PTPRU: variants seen among roughly 807,000 people sequenced by gnomAD.
The protein encoded by PTPRU is receptor-type tyrosine-protein phosphatase U.
Under a neutral mutation model 166.3 loss-of-function variants are expected in PTPRU, and 69 were observed. The ratio of observed to expected loss-of-function variants is 0.41; its 90% confidence interval spans 0.34 to 0.51. The LOEUF is 0.51. Among genes scored for constraint, PTPRU ranks in the 20% least tolerant of loss-of-function variants. The pLI is 0.09. For synonymous variants in PTPRU, 793 were observed against 814.0 expected (o/e 0.97, Z 0.44); for missense variants, 1,657 against 2,013.7 (o/e 0.82, Z 3.39).
At chr1:29,325,529 G>T (rs1343203111) in intron 29 of PTPRU, 70 bp from the exon 30 acceptor site, 5 of 1,538,878 alleles carry the variant, frequency 3.2e-6, no homozygotes, top group Admixed American at 1.7e-5. Flanking sequence ...CTCACTCCCC[G>T]TTCCCCTCCC....
chr1:29,325,092 C>T (rs1033930443), intron 28 of PTPRU, 99 bp from the exon 29 acceptor site: 9 of 1,495,368 alleles, frequency 6.0e-6, no homozygotes, highest in Non-Finnish European at 7.3e-6. Context: ...CTCCGTCCCT[C>T]TCCTCTAGGC....
rs1029986306 is a variant in PTPRU at position 29,237,881 on chromosome 1, CG to C, written c.73+1169del. Reference sequence around the variant, plus strand: ...CGCGGCTGCGCCCCGGGCGGCCGGGCGGGGGCTGTCCCCGGGCTGGGCTGCG... The same window carrying C: ...CGCGGCTGCGCCCCGGGCGGCCGGGCGGGGCTGTCCCCGGGCTGGGCTGCG... On this transcript the variant is annotated intron_variant, in intron 1 of 29. Coordinates refer to ENST00000373779, the MANE Select transcript of PTPRU (RefSeq NM_133178.4). This position sits in a 1 kb window ranked among gnomAD's most constrained non-coding sequence, Gnocchi z 6.4. 2.0e-5 allele frequency among the ~76,000 whole-genome samples: 3 copies of C among 146,490 alleles called. No homozygotes were observed. The highest frequency in any genetic ancestry group is 2.0e-4 in the East Asian group (1 of 5,038).
At chr1:29,319,041 G>A (rs1259395542) in intron 25 of PTPRU, among the ~76,000 whole-genome samples, 1 of 151,328 alleles carries the variant, frequency 6.6e-6, no homozygotes, top group African/African-American at 2.4e-5. Flanking sequence ...GGGGGCTTCC[G>A]GGTGTCAGCT....
chr1:29,249,493 G>A (rs1334660283), intron 1 of PTPRU, among the ~76,000 whole-genome samples: 2 of 152,256 alleles, frequency 1.3e-5, no homozygotes, highest in Non-Finnish European at 2.9e-5. Flanking sequence ...GGCCTCTGTA[G>A]AGATGGGGTG....
At chr1:29,266,699 G>A (rs745762681) in intron 7 of PTPRU, among the ~76,000 whole-genome samples, 2 of 152,194 alleles carry the variant, frequency 1.3e-5, no homozygotes, top group African/African-American at 2.4e-5. Context: ...CTTATTGAGT[G>A]TCTATTACGT....
At chr1:29,282,478 C>CT (rs1212100802) in intron 11 of PTPRU, among the ~76,000 whole-genome samples, 198 bp from the exon 12 acceptor site, 2 of 152,180 alleles carry the variant, frequency 1.3e-5, no homozygotes, top group Non-Finnish European at 2.9e-5. Flanking sequence ...TCTGAACAGT[C>CT]TTGCAATTAC....
Position 29,255,339 on chromosome 1 carries a change from C to T in PTPRU, c.138C>T (p.Tyr46=), listed in dbSNP as rs1300881491. The T allele has an allele frequency of 7.4e-6, 12 of 1,614,136 alleles. No individual in the cohort carries two copies. The highest frequency in any genetic ancestry group is 3.3e-5 in the South Asian group (3 of 91,078). Reference sequence around the variant, plus strand: ...CCTGCGAGTACAGCCAGGCCCAGTACGATGACTTCCAGTGGGAGCAAGTGC... The same window carrying T: ...CCTGCGAGTACAGCCAGGCCCAGTATGATGACTTCCAGTGGGAGCAAGTGC... ...AVPCEYSQAQ[Y]DDFQWEQVRI... is the part of the protein sequence containing the mutation. Residue 46 remains tyrosine, a synonymous_variant, in exon 2 of 30, where the codon TAC becomes TAT. Transcript: ENST00000373779.
chr1:29,304,376 C>T (rs1687285115), intron 16 of PTPRU, among the ~76,000 whole-genome samples: 1 of 152,272 alleles, frequency 6.6e-6, no homozygotes, highest in South Asian at 2.1e-4. Flanking sequence ...TGACATTGAT[C>T]CTGACTGTCA....
intron 7 of PTPRU, among the ~76,000 whole-genome samples, chr1:29,264,605 A>G (rs1205250702): frequency 1.3e-5 from 2 of 151,814 alleles, no homozygotes; most frequent in Non-Finnish European, 2.9e-5. Context: ...TCCCAGGTTC[A>G]AGCGATTCTC....
At chr1:29,309,133 C>A (rs1207412965) in intron 18 of PTPRU, among the ~76,000 whole-genome samples, 2 of 152,182 alleles carry the variant, frequency 1.3e-5, no homozygotes, top group African/African-American at 4.8e-5. Context: ...CCAGCAGAAT[C>A]TCTGAGTGTT....
intron 14 of PTPRU, chr1:29,289,779 T>G: frequency 6.4e-7 from 1 of 1,572,392 alleles, no homozygotes; most frequent in East Asian, 2.3e-5. Context: ...GTCCCCGCCT[T>G]CTCTGGTTGG....
chr1:29,256,666 G>T (rs1405092637), intron 2 of PTPRU, among the ~76,000 whole-genome samples: 2 of 152,276 alleles, frequency 1.3e-5, no homozygotes, highest in Non-Finnish European at 2.9e-5. Context: ...GGTGTTAGTG[G>T]GTATCACAGT....
chr1:29,252,049 G>A (rs1159047539), intron 1 of PTPRU, among the ~76,000 whole-genome samples: 1 of 152,274 alleles, frequency 6.6e-6, no homozygotes, highest in Non-Finnish European at 1.5e-5. Context: ...CCTCCTACAG[G>A]CAATAGGGTA....
rs1685549027 is a variant in PTPRU at position 29,271,307 on chromosome 1, G to A, written c.1145-4141G>A. ...TGGGTGCCAGATGGTTTTTAGAAACGTGGAGAAACTCATGGATTCACACCC... is the reference window on the plus strand; with the variant it reads ...TGGGTGCCAGATGGTTTTTAGAAACATGGAGAAACTCATGGATTCACACCC... On this transcript the variant is annotated intron_variant, in intron 7 of 29. Coordinates refer to ENST00000373779, the MANE Select transcript of PTPRU (RefSeq NM_133178.4). This position sits in a 1 kb window ranked among gnomAD's most constrained non-coding sequence, Gnocchi z 4.4. Among the ~76,000 whole-genome samples the A allele has an allele frequency of 6.6e-6, 1 of 152,174 alleles. No homozygotes were observed. The highest frequency in any genetic ancestry group is 6.5e-5 in the Admixed American group (1 of 15,274).
chr1:29,308,386 T>G (rs1687495031), intron 18 of PTPRU, among the ~76,000 whole-genome samples: 1 of 149,696 alleles, frequency 6.7e-6, no homozygotes, highest in Non-Finnish European at 1.5e-5. Context: ...GTGGGCAACA[T>G]AGTGAGATTG....
chr1:29,269,222 ATATATATAT>A (rs1557430704), intron 7 of PTPRU, among the ~76,000 whole-genome samples: 4 of 39,254 alleles, frequency 1.0e-4, no homozygotes, highest in African/African-American at 4.0e-4. Flanking sequence ...TTATATACAT[ATATATATAT>A]ATATATATAT....
chr1:29,287,572 T>C (rs1686413255), intron 14 of PTPRU, among the ~76,000 whole-genome samples: 1 of 151,892 alleles, frequency 6.6e-6, no homozygotes, highest in Admixed American at 6.6e-5. Flanking sequence ...GAGATTATTA[T>C]TAACCTCACT....
intron 18 of PTPRU, chr1:29,307,079 T>G: frequency 6.2e-7 from 1 of 1,602,860 alleles, no homozygotes; most frequent in Non-Finnish European, 8.5e-7. Context: ...GCCCCTGGCC[T>G]AATATCTGTC....
chr1:29,259,957 A>C lies in PTPRU; in HGVS notation c.763A>C (p.Ser255Arg). 6.5e-7 allele frequency: 1 copy of C among 1,542,582 alleles called. No individual in the cohort carries two copies. The highest frequency in any genetic ancestry group is 1.2e-5 in the South Asian group (1 of 84,400). Residue 255 changes from serine (S) to arginine (R), a missense_variant, in exon 6 of 30, where the codon AGC becomes CGC. Ser to Arg is a moderately radical substitution (Grantham distance 110). This residue lies in a region of PTPRU where 453 missense variants were observed against 496.9 expected (regional missense o/e 0.91). Transcript: ENST00000373779. The stretch of plus-strand genomic sequence containing the variant: ...GGCCACTTTCCCGCTGGCTGCCGTG[A>C]GCCGCGCCGAGCAGGACCTGTACCG... ...FLATFPLAAVSRAEQDLYRCV... is the reference protein window; with the variant it reads ...FLATFPLAAVRRAEQDLYRCV...
Sources: allele counts gnomAD v4.1 joint callset (sites outside exome capture counted in the v4.1 genomes callset), GRCh38; gene constraint gnomAD v4.1.1; regional missense constraint gnomAD v4.1.1; non-coding constraint Gnocchi (gnomAD v3.1); transcripts MANE v1.5; gene names NCBI Gene and HGNC (gene_info 2026-07-23, HGNC 2026-07-21).